PTPRU: variants seen among roughly 807,000 people sequenced by gnomAD.
The protein encoded by PTPRU is protein tyrosine phosphatase receptor type U.
PTPRU carries 69 observed loss-of-function variants against 166.3 expected under a neutral mutation model. The observed-to-expected ratio is 0.41, with a 90% CI of 0.34 to 0.51. The LOEUF is 0.51. Ranked by LOEUF, PTPRU falls within the 20% of genes least tolerant of loss-of-function variation. The pLI is 0.09. For missense variants in PTPRU, 1,657 were observed against 2,013.7 expected (o/e 0.82, Z 3.39); for synonymous variants, 793 against 814.0 (o/e 0.97, Z 0.44).
rs540093792 is a variant in PTPRU at position 29,310,325 on chromosome 1, A to G, written c.2821-419A>G. On this transcript the variant is annotated intron_variant, in intron 18 of 29. Coordinates refer to ENST00000373779, the MANE Select transcript of PTPRU (RefSeq NM_133178.4). ...CCAAGTGTGGGGGCTAAGATAACTG[A>G]CAAGCTCTGGTTATCCCACGTGTGG... is the stretch of plus-strand genomic sequence containing the variant. 1.3e-5 allele frequency among the ~76,000 whole-genome samples: 2 copies of G among 152,086 alleles called. 1 individual carries two copies. The highest frequency in any genetic ancestry group is 4.2e-4 in the South Asian group (2 of 4,808).
rs776049697 is a variant in PTPRU at position 29,259,854 on chromosome 1, A to G, written c.676-16A>G. ...GCTCCGAGGCGCCCCTGACCCCCTCACTCTCTTCCCTGCAGCGGCAGAGCG... is the reference window on the plus strand; with the variant it reads ...GCTCCGAGGCGCCCCTGACCCCCTCGCTCTCTTCCCTGCAGCGGCAGAGCG... On this transcript the variant is annotated splice_polypyrimidine_tract_variant and intron_variant, in intron 5 of 29. Coordinates refer to ENST00000373779, the MANE Select transcript of PTPRU (RefSeq NM_133178.4). 34 of 1,523,886 alleles carry G rather than the reference A, an allele frequency of 2.2e-5. No homozygotes were observed. Among genetic ancestry groups the G allele is most frequent in the South Asian group, 4.9e-5 (4 of 82,458 alleles). 94.4% of individuals were successfully genotyped at this position (1,523,886 alleles called of 1,614,324 possible).
rs377406981 is a variant in PTPRU, at chr1:29,311,190, A to AT, written c.2858-265dup. Among the ~76,000 whole-genome samples, 66 of 152,228 alleles carry AT rather than the reference A, an allele frequency of 4.3e-4. No individual in the cohort carries two copies. The East Asian group carries it at 0.011, about 25-fold the overall frequency. ...ATCTGTCTGTCCCTCCTGGACACTCATGCCATTGCCCAACCATCTGGTCCT... is the reference window on the plus strand; with the variant it reads ...ATCTGTCTGTCCCTCCTGGACACTCATTGCCATTGCCCAACCATCTGGTCCT... On this transcript the variant is annotated intron_variant, in intron 19 of 29. Transcript: ENST00000373779. The surrounding 1 kb of genome is among the most constrained non-coding windows in gnomAD (Gnocchi z 4.1).
At chr1:29,284,106 G>A in intron 13 of PTPRU, 130 bp downstream of exon 13, 3 of 1,132,380 alleles carry the variant, frequency 2.6e-6, no homozygotes, top group Admixed American at 3.9e-5. Flanking sequence ...GGGGCCAGGA[G>A]GGGCTTCCTG....
rs946161029 is a variant in PTPRU at position 29,238,042 on chromosome 1, C to T, written c.73+1325C>T. ...GAGCCTGCAACTTTGTGCGGCCTCC[C>T]GGCCGGCCGGGACCGCCAGGTGTGT... On this transcript the variant is annotated intron_variant, in intron 1 of 29. Coordinates refer to ENST00000373779, the MANE Select transcript of PTPRU (RefSeq NM_133178.4). The surrounding 1 kb of genome is among the most constrained non-coding windows in gnomAD (Gnocchi z 6.1). Among the ~76,000 whole-genome samples, 2 of 151,368 alleles carry T rather than the reference C, an allele frequency of 1.3e-5. No individual in the cohort carries two copies. Among genetic ancestry groups the T allele is most frequent in the Admixed American group, 1.3e-4 (2 of 15,250 alleles).
At chr1:29,297,583 G>T (rs1168457073) in intron 15 of PTPRU, among the ~76,000 whole-genome samples, 1 of 152,184 alleles carries the variant, frequency 6.6e-6, no homozygotes, top group Non-Finnish European at 1.5e-5. Context: ...AGGAGGCACT[G>T]TATGTGCAAA....
chr1:29,263,324 A>C (rs1217377826), intron 7 of PTPRU, among the ~76,000 whole-genome samples: 1 of 152,188 alleles, frequency 6.6e-6, no homozygotes, highest in African/African-American at 2.4e-5. Context: ...GTTTATCCTC[A>C]TTGTAGCATG....
chr1:29,292,329 G>A (rs1407964133), intron 15 of PTPRU, among the ~76,000 whole-genome samples: 1 of 152,150 alleles, frequency 6.6e-6, no homozygotes, highest in African/African-American at 2.4e-5. Flanking sequence ...CCCTTATTGA[G>A]CACCTGTTAT....
chr1:29,297,418 G>A (rs1475322099), intron 15 of PTPRU, among the ~76,000 whole-genome samples: 1 of 152,158 alleles, frequency 6.6e-6, no homozygotes, highest in African/African-American at 2.4e-5. Flanking sequence ...GAGAGGGGAA[G>A]TCACTTGTCC....
chr1:29,295,749 C>T (rs1267781160), intron 15 of PTPRU, among the ~76,000 whole-genome samples: 5 of 152,064 alleles, frequency 3.3e-5, no homozygotes, highest in Admixed American at 6.6e-5. Context: ...TGCAGTGGCG[C>T]AATCTCAGCT....
At position 29,260,128 on chromosome 1, in the gene PTPRU, G is replaced by GGGCTC; in HGVS notation, c.850+84_850+85insGGCTC. The GGGCTC allele has an allele frequency of 1.7e-5, 22 of 1,266,456 alleles. No individual in the cohort carries two copies. Among genetic ancestry groups the GGGCTC allele is most frequent in the African/African-American group, 1.4e-4 (9 of 62,914 alleles). The allele number at this position is 1,266,456 out of a possible 1,614,324, so 78.5% of individuals were successfully genotyped here. On this transcript the variant is annotated intron_variant, in intron 6 of 29. Transcript: ENST00000373779. This position sits in a 1 kb window ranked among gnomAD's most constrained non-coding sequence, Gnocchi z 8.3. ...ACGGGGGCGGGCTCTGCCCGGGGGC[G>GGGCTC]TGGCCGTGGGGGGTGGGGCCGGCAG...
intron 1 of PTPRU, among the ~76,000 whole-genome samples, chr1:29,247,081 ATC>A (rs1373950258): frequency 6.6e-6 from 1 of 152,046 alleles, no homozygotes; most frequent in Admixed American, 6.5e-5. Context: ...CCATCCCCTT[ATC>A]TCTCTGTTGT....
chr1:29,307,905 C>T (rs1574706108), intron 18 of PTPRU, among the ~76,000 whole-genome samples: 1 of 151,898 alleles, frequency 6.6e-6, no homozygotes, highest in East Asian at 1.9e-4. Context: ...GAATTACAGG[C>T]ATGCACCACC....
At chr1:29,308,049 A>G (rs937669417) in intron 18 of PTPRU, among the ~76,000 whole-genome samples, 8 of 151,720 alleles carry the variant, frequency 5.3e-5, no homozygotes, top group Non-Finnish European at 1.0e-4. Context: ...GAGCCACCAC[A>G]CCTGGCCCAT....
At position 29,280,210 on chromosome 1, in the gene PTPRU, G is replaced by T; in HGVS notation, c.1868+69G>T. 1 of 1,447,552 alleles carries T rather than the reference G, an allele frequency of 6.9e-7. No homozygotes were observed. Among genetic ancestry groups the T allele is most frequent in the Non-Finnish European group, 9.6e-7 (1 of 1,042,180 alleles). The allele number at this position is 1,447,552 out of a possible 1,614,324, so 89.7% of individuals were successfully genotyped here. ...AAAGAGGCCCCTCCTCTGACCCAGA[G>T]CCCCATCCCAGGCCAGCTCACCCTT... On this transcript the variant is annotated intron_variant, in intron 11 of 29. Transcript: ENST00000373779. The surrounding 1 kb of genome is among the most constrained non-coding windows in gnomAD (Gnocchi z 4.2).
At position 29,237,378 on chromosome 1, in the gene PTPRU, A is replaced by G. The variant is rs1321553794; in HGVS notation, c.73+661A>G. On this transcript the variant is annotated intron_variant, in intron 1 of 29. Coordinates refer to ENST00000373779, the MANE Select transcript of PTPRU (RefSeq NM_133178.4). The surrounding 1 kb of genome is among the most constrained non-coding windows in gnomAD (Gnocchi z 6.4). ...GCCGCGTGGGTCCGAGTGAATGCCA[A>G]GTGTGCCGGGAATGCGTGTGTGGGA... 6.6e-6 allele frequency among the ~76,000 whole-genome samples: 1 copy of G among 151,672 alleles called. No individual in the cohort carries two copies. Among genetic ancestry groups the G allele is most frequent in the Non-Finnish European group, 1.5e-5 (1 of 67,902 alleles).
intron 25 of PTPRU, among the ~76,000 whole-genome samples, chr1:29,318,661 G>A (rs779047370): frequency 6.6e-6 from 1 of 152,218 alleles, no homozygotes; most frequent in Non-Finnish European, 1.5e-5. Context: ...CAGTTGGTGG[G>A]CCGCTCCTTC....
intron 15 of PTPRU, among the ~76,000 whole-genome samples, chr1:29,299,083 T>C (rs1022636202): frequency 1.3e-5 from 2 of 152,162 alleles, no homozygotes; most frequent in African/African-American, 4.8e-5. Context: ...TCAGGGAAAG[T>C]GCCACCACTG....
intron 8 of PTPRU, among the ~76,000 whole-genome samples, chr1:29,276,541 C>T (rs1355787453): frequency 6.6e-6 from 1 of 152,142 alleles, no homozygotes; most frequent in Non-Finnish European, 1.5e-5. Flanking sequence ...TGGTCTCGAA[C>T]TCCTGGGCTC....
rs373684691 is a variant in PTPRU at position 29,260,839 on chromosome 1, G to A, written c.1080G>A (p.Thr360=). Reference sequence around the variant, plus strand: ...AGTATGAGATCAGCGTGCTGCTCACGCGTCCCGGAGACGGCGGCACTGGCC... The same window carrying A: ...AGTATGAGATCAGCGTGCTGCTCACACGTCCCGGAGACGGCGGCACTGGCC... ...DTEYEISVLL[T]RPGDGGTGRP... Residue 360 remains threonine, a synonymous_variant, in exon 7 of 30, where the codon ACG becomes ACA. Coordinates refer to ENST00000373779, the MANE Select transcript of PTPRU (RefSeq NM_133178.4). The surrounding 1 kb of genome is among the most constrained non-coding windows in gnomAD (Gnocchi z 8.3). 1.9e-4 allele frequency: 313 copies of A among 1,609,134 alleles called. No individual in the cohort carries two copies. Among genetic ancestry groups the A allele is most frequent in the Non-Finnish European group, 2.4e-4 (288 of 1,178,588 alleles).
Sources: allele counts gnomAD v4.1 joint callset (sites outside exome capture counted in the v4.1 genomes callset), GRCh38; gene constraint gnomAD v4.1.1; non-coding constraint Gnocchi (gnomAD v3.1); transcripts MANE v1.5; gene names NCBI Gene and HGNC (gene_info 2026-07-23, HGNC 2026-07-21).